Variants in ATG4B observed in about 807,000 individuals in gnomAD.
ATG4B encodes the protein autophagy related 4B cysteine peptidase.
In ATG4B, 29 loss-of-function variants were observed where a neutral mutation model predicts 56.6. The ratio of observed to expected loss-of-function variants is 0.51; its 90% CI spans 0.38 to 0.70. ATG4B has a LOEUF of 0.70. Ranked by LOEUF, ATG4B falls within the 30% of genes least tolerant of loss-of-function variation. The pLI, the probability that ATG4B is intolerant of heterozygous loss-of-function variation, is 0.00. For missense variants in ATG4B, 461 were observed against 515.5 expected (o/e 0.89, Z 1.02); for synonymous variants, 224 against 206.1 (o/e 1.09, Z -0.74).
chr2:241,660,799 C>T (rs1343680104), intron 7 of ATG4B, among the ~76,000 whole-genome samples: 1 of 152,168 alleles, frequency 6.6e-6, no homozygotes, highest in Non-Finnish European at 1.5e-5. Context: ...GTTCCCTGTT[C>T]ACTGCCCCAT....
intron 1 of ATG4B, among the ~76,000 whole-genome samples, chr2:241,638,982 C>T (rs113227368): frequency 0.01 from 1,558 of 152,336 alleles, 26 homozygotes; most frequent in African/African-American, 0.036. Flanking sequence ...GCTGGCGAGG[C>T]CCCTGCCCAG....
At chr2:241,672,154 C>G (rs1240473692) in intron 12 of ATG4B, 37 bp from the exon 13 acceptor site, 1 of 1,555,410 alleles carries the variant, frequency 6.4e-7, no homozygotes, top group Admixed American at 2.0e-5. Context: ...GGTGGCCCAC[C>G]CAAGATGCCT....
At chr2:241,655,540 C>T (rs750537534) in intron 6 of ATG4B, 197 bp downstream of exon 6, 188 of 607,476 alleles carry the variant, frequency 3.1e-4, no homozygotes, top group Admixed American at 5.0e-4. Flanking sequence ...AAATGAACAC[C>T]GTAGTCCACA....
At chr2:241,664,854 C>G (rs553830027) in intron 7 of ATG4B, among the ~76,000 whole-genome samples, 2 of 152,126 alleles carry the variant, frequency 1.3e-5, no homozygotes, top group Non-Finnish European at 2.9e-5. Flanking sequence ...ATCCCAGCTA[C>G]TGGGGAGGCT....
chr2:241,658,732 G>T (rs2068493460), intron 6 of ATG4B, among the ~76,000 whole-genome samples: 2 of 152,240 alleles, frequency 1.3e-5, no homozygotes, highest in African/African-American at 4.8e-5. Flanking sequence ...GCAGAGCAGA[G>T]CGTGAAGGTG....
At chr2:241,671,586 G>A (rs951289111) in intron 12 of ATG4B, 181 bp downstream of exon 12, 11 of 1,518,340 alleles carry the variant, frequency 7.2e-6, no homozygotes, top group East Asian at 2.5e-5. Context: ...CCAAGCTTGC[G>A]CCCAGCAGCC....
At chr2:241,644,816 G>T (rs994382037) in intron 1 of ATG4B, among the ~76,000 whole-genome samples, 2 of 152,028 alleles carry the variant, frequency 1.3e-5, no homozygotes, top group Admixed American at 6.5e-5. Context: ...AGGCGTGGTG[G>T]CACACACCTG....
chr2:241,640,089 G>A (rs2067839345), intron 1 of ATG4B, among the ~76,000 whole-genome samples: 1 of 152,154 alleles, frequency 6.6e-6, no homozygotes, highest in Admixed American at 6.5e-5. Context: ...TCAAAAACAC[G>A]GTTCAGTGTC....
At chr2:241,640,298 T>G (rs2067844823) in intron 1 of ATG4B, among the ~76,000 whole-genome samples, 2 of 152,256 alleles carry the variant, frequency 1.3e-5, no homozygotes, top group African/African-American at 4.8e-5. Context: ...TCTCTGTTTA[T>G]GCTGATAAAA....
intron 1 of ATG4B, among the ~76,000 whole-genome samples, chr2:241,642,025 G>C (rs992125074): frequency 1.6e-5 from 2 of 125,310 alleles, no homozygotes; most frequent in Non-Finnish European, 3.3e-5. Context: ...CTGGCATGTG[G>C]TTGGTAATAA....
rs560120246 is a variant in ATG4B, at chr2:241,653,505, A to G, written c.185-7A>G. On this transcript the variant is annotated splice_polypyrimidine_tract_variant and splice_region_variant and intron_variant, in intron 3 of 12. Coordinates refer to ENST00000404914, the MANE Select transcript of ATG4B (RefSeq NM_013325.5). ...ATGAGCACTTCTCTCTCTGTCTGCC[A>G]CGACAGGGGGGACAGGCCCCACCTC... 16 of 1,572,546 alleles carry G rather than the reference A, an allele frequency of 1.0e-5. No homozygotes were observed. The South Asian group carries it at 1.6e-4, about 16-fold the overall frequency.
At position 241,655,255 on chromosome 2, in the gene ATG4B, T is replaced by A; in HGVS notation, c.386-16T>A. On this transcript the variant is annotated splice_polypyrimidine_tract_variant and intron_variant, in intron 5 of 12. Transcript: ENST00000404914. ...GGGGCGGGTGTGTGTTGCTAATGTG[T>A]ATCTGTTCCCTGCAGCGCAAATGGG... 6.2e-7 allele frequency: 1 copy of A among 1,606,174 alleles called. No individual in the cohort carries two copies. Among genetic ancestry groups the A allele is most frequent in the Non-Finnish European group, 8.5e-7 (1 of 1,176,316 alleles).
intron 1 of ATG4B, among the ~76,000 whole-genome samples, chr2:241,643,513 GT>G (rs2067964520): frequency 6.7e-6 from 1 of 148,838 alleles, no homozygotes; most frequent in Admixed American, 6.7e-5. Context: ...GGCCTTACAT[GT>G]CATCTTATTT....
Position 241,658,535 on chromosome 2 carries a change from C to G in ATG4B, c.459-573C>G, listed in dbSNP as rs1352438478. ...TCCTCTGACCCCACCTCCGCCAGACCTGAGATGAGATCAGAGTCGTGTTAG... is the reference window on the plus strand; with the variant it reads ...TCCTCTGACCCCACCTCCGCCAGACGTGAGATGAGATCAGAGTCGTGTTAG... On this transcript the variant is annotated intron_variant, in intron 6 of 12. Coordinates refer to ENST00000404914, the MANE Select transcript of ATG4B (RefSeq NM_013325.5). Among the ~76,000 whole-genome samples, 3 of 152,216 alleles carry G rather than the reference C, an allele frequency of 2.0e-5. No homozygotes were observed. In the East Asian group the frequency reaches 5.8e-4, roughly 29 times the overall value.
chr2:241,653,836 A>G (rs1166555743), intron 4 of ATG4B, among the ~76,000 whole-genome samples: 1 of 152,170 alleles, frequency 6.6e-6, no homozygotes, highest in Non-Finnish European at 1.5e-5. Context: ...CACAAAAAAT[A>G]CAAAAATTAG....
chr2:241,658,315 G>T (rs981520583), intron 6 of ATG4B, among the ~76,000 whole-genome samples: 1 of 151,960 alleles, frequency 6.6e-6, no homozygotes, highest in Non-Finnish European at 1.5e-5. Flanking sequence ...TGGTGGGGCA[G>T]GGGGGCAGTG....
chr2:241,672,510 C>T lies in ATG4B; in HGVS notation c.*246C>T, dbSNP rs2069016609. On this transcript the variant is annotated 3_prime_UTR_variant, in exon 13 of 13. Transcript: ENST00000404914. ...CGCACGCGGAGCCGTCTGTTAGGAG[C>T]TTCCAGAGTGTTCTCTCGACACTGC... 5.4e-6 allele frequency: 3 copies of T among 558,364 alleles called. No individual in the cohort carries two copies. The Admixed American group carries it at 9.6e-5, about 18-fold the overall frequency. The allele number at this position is 558,364 out of a possible 1,614,324, so 34.6% of individuals were successfully genotyped here. A position where few individuals can be genotyped will look rare whatever the true frequency, so the allele number is the denominator to read the frequency against.
chr2:241,642,211 G>A (rs1000662698), intron 1 of ATG4B, among the ~76,000 whole-genome samples: 1 of 151,442 alleles, frequency 6.6e-6, no homozygotes, highest in Non-Finnish European at 1.5e-5. Flanking sequence ...TGTTTCCCAG[G>A]CTGGAGTGCG....
At chr2:241,649,470 C>G (rs2068165372) in intron 1 of ATG4B, among the ~76,000 whole-genome samples, 1 of 152,208 alleles carries the variant, frequency 6.6e-6, no homozygotes, top group African/African-American at 2.4e-5. Context: ...GATTGATTTT[C>G]AAAAGATTGC....
Sources: gnomAD v4.1 joint callset for allele counts (sites outside exome capture counted in the v4.1 genomes callset) on GRCh38, gnomAD v4.1.1 for gene constraint, MANE v1.5 for transcripts, NCBI Gene and HGNC (gene_info 2026-07-23, HGNC 2026-07-21) for gene names.